SYNPR: variants seen among roughly 807,000 people sequenced by gnomAD.
SYNPR encodes synaptoporin.
Under a neutral mutation model 32.9 loss-of-function variants are expected in SYNPR, and 23 were observed. The ratio of observed to expected loss-of-function variants is 0.70; its 90% CI spans 0.50 to 0.99. The LOEUF (loss-of-function observed/expected upper bound fraction) is 0.99, where lower values mean the gene tolerates loss of function less well. Among genes scored for constraint, SYNPR ranks in the 50% least tolerant of loss-of-function variants. The probability of loss-of-function intolerance (pLI) is 0.00; values close to 1 mark genes in which losing one functional copy is unlikely to be tolerated. For missense variants in SYNPR, 318 were observed against 349.3 expected (o/e 0.91, Z 0.71); for synonymous variants, 146 against 135.9 (o/e 1.07, Z -0.52).
intron 2 of SYNPR, among the ~76,000 whole-genome samples, chr3:63,413,991 A>G (rs7651878): frequency 2.0e-5 from 3 of 150,586 alleles, no homozygotes; most frequent in Non-Finnish European, 4.4e-5. Flanking sequence ...GAGGGAAAAA[A>G]ATATATAAAT....
chr3:63,204,828 C>G, the SYNPR span, among the ~76,000 whole-genome samples: 8 of 152,302 alleles, frequency 5.3e-5, no homozygotes, highest in East Asian at 1.2e-3. Flanking sequence ...GCTGGGACTA[C>G]AGGCATGCGC....
At chr3:63,571,876 C>T (rs1393222575) in intron 4 of SYNPR, among the ~76,000 whole-genome samples, 1 of 152,164 alleles carries the variant, frequency 6.6e-6, no homozygotes, top group Non-Finnish European at 1.5e-5. Flanking sequence ...CTTTCAGTTT[C>T]CTGCTTAGAC....
intron 2 of SYNPR, among the ~76,000 whole-genome samples, chr3:63,445,065 C>T (rs532711449): frequency 2.0e-5 from 3 of 151,974 alleles, no homozygotes; most frequent in African/African-American, 4.8e-5. Flanking sequence ...CCAACACACA[C>T]ACATCCAATC....
chr3:63,272,995 T>C (rs1275748103), intron 3 of SYNPR, among the ~76,000 whole-genome samples: 4 of 152,096 alleles, frequency 2.6e-5, no homozygotes, highest in Non-Finnish European at 5.9e-5. Context: ...ATGTTAAAAA[T>C]GATGAGCATT....
intron 3 of SYNPR, among the ~76,000 whole-genome samples, chr3:63,482,135 T>G (rs17068742): frequency 0.26 from 38,983 of 151,890 alleles, 5,217 homozygotes; most frequent in East Asian, 0.44. Flanking sequence ...ATATCTAATT[T>G]CATAAAATCC....
chr3:63,303,056 T>G (rs921733424), intron 2 of SYNPR, among the ~76,000 whole-genome samples: 4 of 151,948 alleles, frequency 2.6e-5, no homozygotes, highest in African/African-American at 9.7e-5. Context: ...GCAAGTACAG[T>G]GAAGAATTCA....
chr3:63,409,581 C>T (rs1040644159), intron 2 of SYNPR, among the ~76,000 whole-genome samples: 1 of 152,136 alleles, frequency 6.6e-6, no homozygotes, highest in Non-Finnish European at 1.5e-5. Flanking sequence ...TCCTAAAATT[C>T]ACACACTCCT....
chr3:63,585,175 T>C (rs1703162132), intron 4 of SYNPR, among the ~76,000 whole-genome samples: 3 of 152,170 alleles, frequency 2.0e-5, no homozygotes, highest in Non-Finnish European at 4.4e-5. Context: ...CTAACAGTTA[T>C]ATATTGGAAA....
chr3:63,600,554 C>T (rs908249940), intron 4 of SYNPR, among the ~76,000 whole-genome samples: 14 of 147,716 alleles, frequency 9.5e-5, no homozygotes, highest in African/African-American at 3.6e-4. Context: ...TTTTAATCCC[C>T]TAACTGCCAT....
rs916713649 is a variant in SYNPR at position 63,523,474 on chromosome 3, C to G, written c.210-33069C>G. Among the ~76,000 whole-genome samples, 3 of 152,130 alleles carry G rather than the reference C, an allele frequency of 2.0e-5. No homozygotes were observed. The South Asian group carries it at 6.2e-4, about 32-fold the overall frequency. ...GCTCTCTCTCTGTCTCCCCTGGCCA[C>G]CCCCTACCTCATCCCAGGAATTATT... On this transcript the variant is annotated intron_variant, in intron 3 of 5. Coordinates refer to ENST00000478300, the MANE Select transcript of SYNPR (RefSeq NM_001130003.2).
At chr3:63,501,792 T>A (rs1331148848) in intron 3 of SYNPR, among the ~76,000 whole-genome samples, 1 of 152,146 alleles carries the variant, frequency 6.6e-6, no homozygotes, top group Admixed American at 6.6e-5. Flanking sequence ...TTTAACACAA[T>A]GTTAGAAAGT....
chr3:63,261,159 G>A (rs1223026965), intron 2 of SYNPR, among the ~76,000 whole-genome samples: 2 of 152,118 alleles, frequency 1.3e-5, no homozygotes, highest in Non-Finnish European at 2.9e-5. Flanking sequence ...TCAGTGTGGT[G>A]ATTCCTCAGG....
At chr3:63,539,827 C>T (rs1702268251) in intron 3 of SYNPR, among the ~76,000 whole-genome samples, 1 of 152,104 alleles carries the variant, frequency 6.6e-6, no homozygotes, top group African/African-American at 2.4e-5. Flanking sequence ...CTCTGAGAAA[C>T]TGTATGGAAC....
intron 1 of SYNPR, among the ~76,000 whole-genome samples, chr3:63,245,004 T>G (rs1575574398): frequency 6.6e-6 from 1 of 152,168 alleles, no homozygotes; most frequent in East Asian, 1.9e-4. Flanking sequence ...GAAAAGACAT[T>G]AGGATACATT....
intron 3 of SYNPR, among the ~76,000 whole-genome samples, chr3:63,504,291 G>C (rs552782875): frequency 6.6e-6 from 1 of 152,214 alleles, no homozygotes; most frequent in East Asian, 1.9e-4. Context: ...ATCTTGCAAA[G>C]AAAATCTCAA....
chr3:63,258,123 G>A (rs947229416), intron 2 of SYNPR, among the ~76,000 whole-genome samples: 26 of 152,232 alleles, frequency 1.7e-4, no homozygotes, highest in Admixed American at 1.5e-3. Flanking sequence ...ATAATAATGG[G>A]AGACTTTAAC....
At chr3:63,529,804 T>C (rs6765769) in intron 3 of SYNPR, among the ~76,000 whole-genome samples, 53,277 of 151,900 alleles carry the variant, frequency 0.35, 9,415 homozygotes, top group Admixed American at 0.42. Flanking sequence ...AGCCTGGGCC[T>C]AAGACAAGTG....
chr3:63,320,801 T>G (rs1457706506), intron 2 of SYNPR, among the ~76,000 whole-genome samples: 2 of 152,078 alleles, frequency 1.3e-5, no homozygotes, highest in Non-Finnish European at 2.9e-5. Context: ...GATACAAATT[T>G]TAATCTTAGT....
intron 2 of SYNPR, among the ~76,000 whole-genome samples, chr3:63,263,947 C>A (rs77511680): frequency 6.6e-6 from 1 of 152,130 alleles, no homozygotes; most frequent in Non-Finnish European, 1.5e-5. Flanking sequence ...ACTGCCACAT[C>A]TTTGAACAAT....
Sources: allele counts gnomAD v4.1 joint callset (sites outside exome capture counted in the v4.1 genomes callset), GRCh38; gene constraint gnomAD v4.1.1; transcripts MANE v1.5; gene names NCBI Gene and HGNC (gene_info 2026-07-23, HGNC 2026-07-21).